Variants in MYT1L observed in about 807,000 individuals in gnomAD.
MYT1L encodes myelin transcription factor 1 like, also known as myelin transcription factor 1-like protein.
Under a neutral mutation model 126.7 loss-of-function variants are expected in MYT1L, and 12 were observed. That is an observed-to-expected ratio of 0.09 (90% CI 0.06 to 0.15). MYT1L has a LOEUF of 0.15. Ranked by LOEUF, MYT1L falls within the 10% of genes least tolerant of loss-of-function variation. The pLI is 1.00. For missense variants in MYT1L, 979 were observed against 1,585.2 expected (o/e 0.62, Z 6.49); for synonymous variants, 541 against 604.2 (o/e 0.90, Z 1.53).
Position 2,057,125 on chromosome 2 carries a change from T to G in MYT1L, c.-303-3002A>C, listed in dbSNP as rs567979114. Reference sequence around the variant, plus strand: ...TTCCTACTTCTCTTGTGTTCATATATGTGCATGCGATTTTAGCACCAGTGT... The same window carrying G: ...TTCCTACTTCTCTTGTGTTCATATAGGTGCATGCGATTTTAGCACCAGTGT... On this transcript the variant is annotated intron_variant, in intron 3 of 24. Transcript: ENST00000647738. 1.4e-3 allele frequency among the ~76,000 whole-genome samples: 217 copies of G among 152,288 alleles called. 3 individuals carry two copies. Among genetic ancestry groups the G allele is most frequent in the Non-Finnish European group, 5.1e-4 (35 of 68,034 alleles).
intron 4 of MYT1L, among the ~76,000 whole-genome samples, chr2:2,016,101 G>T (rs2149794319): frequency 6.6e-6 from 1 of 152,314 alleles, no homozygotes; most frequent in African/African-American, 2.4e-5. Context: ...GCCTTGTAAG[G>T]ATTCACTCAT....
chr2:2,194,271 G>C (rs1042595578), intron 2 of MYT1L, among the ~76,000 whole-genome samples: 1 of 151,942 alleles, frequency 6.6e-6, no homozygotes, highest in Non-Finnish European at 1.5e-5. Flanking sequence ...GTAAAGATGA[G>C]GTCTTGCTAT....
chr2:2,183,263 CA>C (rs1363133872), intron 2 of MYT1L, among the ~76,000 whole-genome samples: 1 of 151,996 alleles, frequency 6.6e-6, no homozygotes, highest in Non-Finnish European at 1.5e-5. Context: ...GGGGAAGAGA[CA>C]GAGAGGAACG....
At chr2:2,030,270 T>C (rs1425687692) in intron 4 of MYT1L, among the ~76,000 whole-genome samples, 1 of 152,132 alleles carries the variant, frequency 6.6e-6, no homozygotes, top group Non-Finnish European at 1.5e-5. Context: ...GCTAATTTTT[T>C]GTATTTTTAA....
chr2:2,277,133 C>T (rs941502346), intron 2 of MYT1L, among the ~76,000 whole-genome samples: 1 of 152,138 alleles, frequency 6.6e-6, no homozygotes, highest in African/African-American at 2.4e-5. Context: ...AGGCACCCGC[C>T]ACCACCCCCG....
chr2:2,180,362 T>TAAAA (rs567729988), intron 2 of MYT1L, among the ~76,000 whole-genome samples: 2 of 139,336 alleles, frequency 1.4e-5, no homozygotes, highest in Non-Finnish European at 3.1e-5. Flanking sequence ...CATAAGCTCT[T>TAAAA]AAAAAAAAAA....
chr2:1,984,573 T>C (rs1297564632), intron 5 of MYT1L, among the ~76,000 whole-genome samples: 1 of 144,520 alleles, frequency 6.9e-6, no homozygotes, highest in African/African-American at 2.6e-5. Context: ...GCAGTGGCGC[T>C]ATCTGGGCTC....
At chr2:1,928,950 G>A (rs1183897579) in intron 9 of MYT1L, among the ~76,000 whole-genome samples, 1 of 152,148 alleles carries the variant, frequency 6.6e-6, no homozygotes, top group Non-Finnish European at 1.5e-5. Flanking sequence ...GGAGACAGTT[G>A]AGAGCCAGGA....
At chr2:1,960,497 C>T (rs543092095) in intron 8 of MYT1L, among the ~76,000 whole-genome samples, 47 of 152,354 alleles carry the variant, frequency 3.1e-4, no homozygotes, top group Admixed American at 1.9e-3. Flanking sequence ...TTAAAGTCAA[C>T]GTGCTTAGTG....
chr2:1,994,313 G>A (rs958152258), intron 5 of MYT1L, among the ~76,000 whole-genome samples: 2 of 149,848 alleles, frequency 1.3e-5, no homozygotes, highest in Non-Finnish European at 3.0e-5. Context: ...CTCAGCCCTG[G>A]TTCACGCCCT....
At chr2:1,920,622 A>T (rs947607451) in intron 10 of MYT1L, among the ~76,000 whole-genome samples, 1 of 152,192 alleles carries the variant, frequency 6.6e-6, no homozygotes, top group African/African-American at 2.4e-5. Flanking sequence ...TATTTGTCCA[A>T]CTGAGCAATC....
chr2:2,034,215 G>A (rs1039215339), intron 4 of MYT1L, among the ~76,000 whole-genome samples: 7 of 152,160 alleles, frequency 4.6e-5, no homozygotes, highest in African/African-American at 1.7e-4. Context: ...TCAAAGTTAT[G>A]TCCAGCCGAC....
chr2:2,296,654 G>T (rs2095698601), intron 1 of MYT1L, among the ~76,000 whole-genome samples: 2 of 152,140 alleles, frequency 1.3e-5, no homozygotes, highest in South Asian at 4.1e-4. Context: ...CTCTGTCTGT[G>T]GTACCTCAGG....
At chr2:2,093,558 T>C (rs2077121948) in intron 3 of MYT1L, among the ~76,000 whole-genome samples, 3 of 152,190 alleles carry the variant, frequency 2.0e-5, no homozygotes, top group Admixed American at 6.5e-5. Context: ...TCTTGTAAAT[T>C]TGTTTGAGTT....
chr2:2,251,924 AAAG>A (rs1435288818), intron 2 of MYT1L, among the ~76,000 whole-genome samples: 4 of 151,786 alleles, frequency 2.6e-5, no homozygotes, highest in Admixed American at 1.3e-4. Context: ...AGAAAGAAAG[AAAG>A]AAGAAAAGAA....
chr2:2,189,532 TA>T (rs2092438233), intron 2 of MYT1L, among the ~76,000 whole-genome samples: 1 of 152,230 alleles, frequency 6.6e-6, no homozygotes, highest in Non-Finnish European at 1.5e-5. Context: ...TGGAAAATAT[TA>T]TTTTTCATAA....
chr2:2,064,917 G>A lies in MYT1L; in HGVS notation c.-303-10794C>T, dbSNP rs556158112. On this transcript the variant is annotated intron_variant, in intron 3 of 24. Coordinates refer to ENST00000647738, the MANE Select transcript of MYT1L (RefSeq NM_001303052.2). ...AATTAAGAAATGAGTGTATGACCAG[G>A]TACAGTGACTCTTGTGCCTGCCTGA... Among the ~76,000 whole-genome samples, 32 of 152,264 alleles carry A rather than the reference G, an allele frequency of 2.1e-4. No homozygotes were observed. The South Asian group carries it at 6.2e-3, about 30-fold the overall frequency.
At chr2:1,913,940 C>T (rs1013367383) in intron 11 of MYT1L, among the ~76,000 whole-genome samples, 19 of 152,128 alleles carry the variant, frequency 1.2e-4, no homozygotes, top group African/African-American at 3.9e-4. Flanking sequence ...ATCTGTCTCT[C>T]GGCGTCAACA....
chr2:2,161,925 G>A (rs1041927957), intron 3 of MYT1L, among the ~76,000 whole-genome samples: 3 of 152,178 alleles, frequency 2.0e-5, no homozygotes, highest in African/African-American at 4.8e-5. Flanking sequence ...GAAGTGGTCC[G>A]AGAACCGTTC....
Sources: allele counts gnomAD v4.1 joint callset (sites outside exome capture counted in the v4.1 genomes callset), GRCh38; gene constraint gnomAD v4.1.1; transcripts MANE v1.5; gene names NCBI Gene and HGNC (gene_info 2026-07-23, HGNC 2026-07-21).